SMYD3: variants seen among roughly 807,000 people sequenced by gnomAD.
The protein encoded by SMYD3 is histone-lysine N-methyltransferase SMYD3.
A neutral mutation model predicts 57.7 loss-of-function variants in SMYD3; 36 were observed. The ratio of observed to expected loss-of-function variants is 0.62; its 90% CI spans 0.48 to 0.82. SMYD3 has a LOEUF of 0.82. Ranked by LOEUF, SMYD3 falls within the 40% of genes least tolerant of loss-of-function variation. The pLI is 0.00. For synonymous variants in SMYD3, 211 were observed against 195.0 expected (o/e 1.08, Z -0.68); for missense variants, 515 against 538.8 (o/e 0.96, Z 0.44).
intron 5 of SMYD3, chr1:246,108,643 T>A (rs1172635055): frequency 6.6e-6 from 1 of 152,212 alleles, no homozygotes; most frequent in African/African-American, 2.4e-5. Context: ...ACTAGAATGT[T>A]TTTCTCAACT....
intron 8 of SMYD3, among the ~76,000 whole-genome samples, chr1:245,872,063 C>A (rs1050339370): frequency 2.0e-5 from 3 of 152,226 alleles, no homozygotes; most frequent in African/African-American, 7.2e-5. Context: ...CCTCTGACAT[C>A]CACAGGCACA....
At chr1:246,433,703 G>T (rs575273700) in intron 1 of SMYD3, among the ~76,000 whole-genome samples, 2 of 152,064 alleles carry the variant, frequency 1.3e-5, no homozygotes, top group Admixed American at 1.3e-4. Context: ...ACTGCCCAAA[G>T]CAATCTACAG....
chr1:246,098,695 T>G (rs1573019196), intron 5 of SMYD3, among the ~76,000 whole-genome samples: 1 of 152,358 alleles, frequency 6.6e-6, no homozygotes, highest in East Asian at 1.9e-4. Flanking sequence ...ACATTGTATT[T>G]AGAAAGTCAG....
chr1:246,487,256 G>C (rs192283791), intron 1 of SMYD3, among the ~76,000 whole-genome samples: 19 of 152,224 alleles, frequency 1.2e-4, no homozygotes, highest in East Asian at 9.7e-4. Context: ...AAACCAGCCT[G>C]GCCAATATAG....
At chr1:246,003,523 C>T (rs1374257763) in intron 5 of SMYD3, among the ~76,000 whole-genome samples, 1 of 152,164 alleles carries the variant, frequency 6.6e-6, no homozygotes, top group South Asian at 2.1e-4. Context: ...CTTTACAATC[C>T]ACATACTGAA....
chr1:246,124,561 T>C (rs974641482), intron 5 of SMYD3, among the ~76,000 whole-genome samples: 5 of 152,172 alleles, frequency 3.3e-5, no homozygotes, highest in African/African-American at 1.2e-4. Flanking sequence ...AACACTGAGC[T>C]AGTCAATGTA....
intron 5 of SMYD3, among the ~76,000 whole-genome samples, chr1:246,166,583 A>G (rs766443380): frequency 1.3e-5 from 2 of 152,078 alleles, no homozygotes; most frequent in Non-Finnish European, 2.9e-5. Flanking sequence ...TGGTTCCTGG[A>G]GTCTCGGCTG....
intron 5 of SMYD3, among the ~76,000 whole-genome samples, chr1:245,955,377 C>T (rs954053605): frequency 1.3e-5 from 2 of 152,024 alleles, no homozygotes; most frequent in South Asian, 2.1e-4. Context: ...CGCGCCTGGC[C>T]GCCCATGTGG....
intron 7 of SMYD3, among the ~76,000 whole-genome samples, chr1:245,920,176 G>A (rs547560457): frequency 4.6e-4 from 70 of 152,176 alleles, no homozygotes; most frequent in African/African-American, 1.3e-3. Context: ...AGCCAGGCGT[G>A]GTGGCGGGCG....
At chr1:246,382,268 ACT>A (rs2066400717) in intron 1 of SMYD3, among the ~76,000 whole-genome samples, 1 of 151,864 alleles carries the variant, frequency 6.6e-6, no homozygotes, top group South Asian at 2.1e-4. Context: ...AAACCCAAAG[ACT>A]CAGCCTCCGG....
intron 5 of SMYD3, among the ~76,000 whole-genome samples, chr1:246,166,225 G>A (rs2062207737): frequency 6.6e-6 from 1 of 152,266 alleles, no homozygotes; most frequent in Admixed American, 6.5e-5. Context: ...GGTCTATACT[G>A]AACGTGAAAA....
At chr1:246,079,853 A>G (rs2060609233) in intron 5 of SMYD3, among the ~76,000 whole-genome samples, 1 of 152,262 alleles carries the variant, frequency 6.6e-6, no homozygotes, top group Non-Finnish European at 1.5e-5. Flanking sequence ...GTTGGTATTA[A>G]TTTTAAATGA....
At chr1:245,977,343 T>C (rs1432685705) in intron 5 of SMYD3, among the ~76,000 whole-genome samples, 1 of 152,172 alleles carries the variant, frequency 6.6e-6, no homozygotes, top group Non-Finnish European at 1.5e-5. Flanking sequence ...ATGGCATGGC[T>C]TTAAATGCCA....
intron 5 of SMYD3, among the ~76,000 whole-genome samples, chr1:246,291,458 T>C (rs768105453): frequency 2.6e-5 from 4 of 152,260 alleles, no homozygotes; most frequent in Non-Finnish European, 5.9e-5. Flanking sequence ...GCTATTTATT[T>C]ATATGTTAAC....
At chr1:245,829,641 A>G (rs1480236452) in intron 10 of SMYD3, among the ~76,000 whole-genome samples, 5 of 152,190 alleles carry the variant, frequency 3.3e-5, no homozygotes, top group South Asian at 2.1e-4. Context: ...CACTCTAGAT[A>G]TACACTTGAA....
At chr1:246,395,643 C>T (rs1331523584) in intron 1 of SMYD3, among the ~76,000 whole-genome samples, 6 of 76,914 alleles carry the variant, frequency 7.8e-5, no homozygotes, top group Admixed American at 2.7e-4. Flanking sequence ...GAACACACCA[C>T]AGTCAGACAG....
At chr1:246,104,082 T>G (rs2061073040) in intron 5 of SMYD3, among the ~76,000 whole-genome samples, 1 of 152,192 alleles carries the variant, frequency 6.6e-6, no homozygotes, top group Admixed American at 6.5e-5. Flanking sequence ...AGCTCCACTC[T>G]AAAATGGGAG....
intron 1 of SMYD3, among the ~76,000 whole-genome samples, chr1:246,394,682 C>T (rs2066628136): frequency 2.0e-5 from 3 of 152,190 alleles, no homozygotes; most frequent in Admixed American, 2.0e-4. Context: ...CTCCCGAACT[C>T]AGCTATGCTT....
intron 10 of SMYD3, among the ~76,000 whole-genome samples, chr1:245,826,998 T>C (rs1321498331): frequency 1.3e-5 from 2 of 152,116 alleles, no homozygotes; most frequent in African/African-American, 4.8e-5. Flanking sequence ...AACCTAACCA[T>C]ATCACTCCTT....
Sources: allele counts gnomAD v4.1 joint callset (sites outside exome capture counted in the v4.1 genomes callset), GRCh38; gene constraint gnomAD v4.1.1; transcripts MANE v1.5; gene names NCBI Gene and HGNC (gene_info 2026-07-23, HGNC 2026-07-21).